ZNF618: variants seen among roughly 807,000 people sequenced by gnomAD.
The protein encoded by ZNF618 is neural precursor cell expressed, developmentally down-regulated 10.
Under a neutral mutation model 103.0 loss-of-function variants are expected in ZNF618, and 34 were observed. That is an observed-to-expected ratio of 0.33 (90% CI 0.25 to 0.44). ZNF618 has a LOEUF of 0.44. Among genes scored for constraint, ZNF618 ranks in the 20% least tolerant of loss-of-function variants. ZNF618 has a pLI of 1.00. For missense variants in ZNF618, 1,059 were observed against 1,295.4 expected (o/e 0.82, Z 2.80); for synonymous variants, 551 against 542.2 (o/e 1.02, Z -0.23).
At chr9:113,911,539 G>GA in intron 1 of ZNF618, among the ~76,000 whole-genome samples, 1 of 151,918 alleles carries the variant, frequency 6.6e-6, no homozygotes, top group South Asian at 2.1e-4. Context: ...GTGTTATCTA[G>GA]GATGGTCTCG....
chr9:113,912,321 G>A (rs1008570395), intron 1 of ZNF618, among the ~76,000 whole-genome samples: 7 of 152,138 alleles, frequency 4.6e-5, no homozygotes, highest in African/African-American at 1.7e-4. Flanking sequence ...AATTTGATTA[G>A]GATGGGATTA....
At chr9:113,944,784 G>C (rs1834859858) in intron 1 of ZNF618, among the ~76,000 whole-genome samples, 1 of 152,122 alleles carries the variant, frequency 6.6e-6, no homozygotes, top group African/African-American at 2.4e-5. Flanking sequence ...TTCTTATTAA[G>C]GTATTACACA....
At position 113,998,336 on chromosome 9, in the gene ZNF618, G is replaced by A. The variant is rs1340978772; in HGVS notation, c.415G>A (p.Ala139Thr). The A allele has an allele frequency of 1.9e-6, 3 of 1,550,558 alleles. No homozygotes were observed. The highest frequency in any genetic ancestry group is 1.7e-4 in the Middle Eastern group (1 of 5,940). ...TTCAGGGACCTGGATTTTTGACCAAGCATTGAGATATGCATCTGGTACGTG... is the reference window on the plus strand; with the variant it reads ...TTCAGGGACCTGGATTTTTGACCAAACATTGAGATATGCATCTGGTACGTG... Reference protein sequence around the residue: ...RYSGTWIFDQALRYASGSYEC... With the variant: ...RYSGTWIFDQTLRYASGSYEC... The change falls in exon 4 of 15, where the codon GCA becomes ACA. Residue 139 changes from alanine to threonine, a missense_variant. This residue lies in a region of ZNF618 where 194 missense variants were observed against 209.0 expected (regional missense o/e 0.93). Transcript: ENST00000374126.
intron 10 of ZNF618, among the ~76,000 whole-genome samples, chr9:114,020,356 A>C (rs1047867959): frequency 1.3e-5 from 2 of 152,118 alleles, no homozygotes; most frequent in Non-Finnish European, 2.9e-5. Context: ...AAAAAAATGC[A>C]ACTTGGAGTT....
chr9:113,897,768 G>C (rs1198714052), intron 1 of ZNF618, among the ~76,000 whole-genome samples: 1 of 151,918 alleles, frequency 6.6e-6, no homozygotes, highest in Non-Finnish European at 1.5e-5. Flanking sequence ...TACTGCTTTG[G>C]ATACTGGATT....
At chr9:113,877,455 C>T (rs1006674461) in intron 1 of ZNF618, among the ~76,000 whole-genome samples, 1 of 151,794 alleles carries the variant, frequency 6.6e-6, no homozygotes. Context: ...TTTTCTATTT[C>T]CACGAACGAA....
intron 11 of ZNF618, among the ~76,000 whole-genome samples, chr9:114,030,492 A>G (rs149387829): frequency 1.3e-5 from 2 of 152,268 alleles, no homozygotes; most frequent in African/African-American, 2.4e-5. Flanking sequence ...GGCGGCCCAC[A>G]GGGTGTGGTA....
chr9:113,979,509 T>G (rs990304181), intron 2 of ZNF618, among the ~76,000 whole-genome samples: 4 of 152,246 alleles, frequency 2.6e-5, no homozygotes, highest in African/African-American at 9.6e-5. Flanking sequence ...ACCTATGTTA[T>G]AATAAAGGCC....
rs537357361 is a variant in ZNF618, at chr9:113,925,640, A to G, written c.34-43477A>G. On this transcript the variant is annotated intron_variant, in intron 1 of 14. Coordinates refer to ENST00000374126, the MANE Select transcript of ZNF618 (RefSeq NM_001318042.2). ...TCTCTGCAGCATTTTATATGATTCT[A>G]TTTTCTTCCCTTTCAACATATCAAT... Among the ~76,000 whole-genome samples the G allele has an allele frequency of 1.2e-4, 18 of 151,670 alleles. No homozygotes were observed. In the South Asian group the frequency reaches 3.1e-3, roughly 26 times the overall value.
At chr9:114,048,502 A>T (rs987507530) in intron 14 of ZNF618, 149 bp from the exon 15 acceptor site, 1 of 792,570 alleles carries the variant, frequency 1.3e-6, no homozygotes, top group Non-Finnish European at 2.0e-6. Context: ...ACCATCATAT[A>T]TTAAAGGCAG....
chr9:114,018,831 A>G (rs183216894), intron 10 of ZNF618, among the ~76,000 whole-genome samples: 1 of 152,274 alleles, frequency 6.6e-6, no homozygotes, highest in East Asian at 1.9e-4. Context: ...GGACTCAGGG[A>G]TCATCTGTGT....
rs117455511 is a variant in ZNF618, at chr9:113,878,522, T to C, written c.33+2109T>C. On this transcript the variant is annotated intron_variant, in intron 1 of 14. Transcript: ENST00000374126. The stretch of plus-strand genomic sequence containing the variant: ...AAAAATTTAAGAAGGCAAATAAATA[T>C]TGACCGAATTGAAATTTGACAGATG... Among the ~76,000 whole-genome samples, 1,521 of 152,244 alleles carry C rather than the reference T, an allele frequency of 1.0e-2. 8 individuals are homozygous for C. The highest frequency in any genetic ancestry group is 0.012 in the Non-Finnish European group (825 of 68,008).
At chr9:113,963,169 A>G (rs1350795939) in intron 1 of ZNF618, among the ~76,000 whole-genome samples, 5 of 152,228 alleles carry the variant, frequency 3.3e-5, no homozygotes, top group African/African-American at 1.2e-4. Flanking sequence ...TCCTCTGGGC[A>G]GGTCCTGGGT....
chr9:113,959,555 G>T (rs769908672), intron 1 of ZNF618, among the ~76,000 whole-genome samples: 5 of 152,122 alleles, frequency 3.3e-5, no homozygotes, highest in Non-Finnish European at 7.4e-5. Context: ...AGCCCTGCAG[G>T]GGAGGCTGCT....
At chr9:113,901,234 T>G (rs1328682041) in intron 1 of ZNF618, among the ~76,000 whole-genome samples, 1 of 152,226 alleles carries the variant, frequency 6.6e-6, no homozygotes, top group Non-Finnish European at 1.5e-5. Context: ...TTGTCTCCAG[T>G]TCTCCTCAGG....
At chr9:113,893,008 G>A (rs964303443) in intron 1 of ZNF618, among the ~76,000 whole-genome samples, 4 of 152,204 alleles carry the variant, frequency 2.6e-5, no homozygotes, top group African/African-American at 7.2e-5. Context: ...TTAGAATCAT[G>A]TCTTAAGAGC....
intron 1 of ZNF618, among the ~76,000 whole-genome samples, chr9:113,892,297 C>T (rs1829684526): frequency 6.6e-6 from 1 of 152,104 alleles, no homozygotes; most frequent in African/African-American, 2.4e-5. Context: ...TTCAGATTAT[C>T]TCTAGATTAT....
chr9:113,933,826 G>A (rs1833812204), intron 1 of ZNF618, among the ~76,000 whole-genome samples: 2 of 152,120 alleles, frequency 1.3e-5, no homozygotes, highest in African/African-American at 4.8e-5. Context: ...GTCTTGGCTG[G>A]GGAGGGATAG....
chr9:113,999,297 T>G (rs539150970), intron 4 of ZNF618, among the ~76,000 whole-genome samples: 18 of 116,818 alleles, frequency 1.5e-4, no homozygotes, highest in African/African-American at 4.0e-4. Flanking sequence ...TAGGCTGAGC[T>G]AGGGGCAGGC....
Sources: allele counts gnomAD v4.1 joint callset (sites outside exome capture counted in the v4.1 genomes callset), GRCh38; gene constraint gnomAD v4.1.1; regional missense constraint gnomAD v4.1.1; transcripts MANE v1.5; gene names NCBI Gene and HGNC (gene_info 2026-07-23, HGNC 2026-07-21).